SH3KBP1: variants seen among roughly 807,000 people sequenced by gnomAD.
SH3KBP1 encodes SH3 domain containing kinase binding protein 1, also known as SH3 domain-containing kinase-binding protein 1.
In SH3KBP1, 8 loss-of-function variants were observed where a neutral mutation model predicts 50.1. That is an observed-to-expected ratio of 0.16 (90% CI 0.09 to 0.29). SH3KBP1 has a LOEUF of 0.29. Among genes scored for constraint, SH3KBP1 ranks in the 10% least tolerant of loss-of-function variants. The probability of loss-of-function intolerance (pLI) is 1.00; values close to 1 mark genes in which losing one functional copy is unlikely to be tolerated. For synonymous variants in SH3KBP1, 227 were observed against 218.6 expected (o/e 1.04, Z -0.34); for missense variants, 377 against 535.2 (o/e 0.70, Z 2.92).
At chrX:19,780,658 A>T (rs1481290410) in intron 2 of SH3KBP1, among the ~76,000 whole-genome samples, 1 of 106,754 alleles carries the variant, frequency 9.4e-6, no homozygotes, top group Non-Finnish European at 1.9e-5. Context: ...AGCTTTCCAC[A>T]TATGGCTAGC....
intron 2 of SH3KBP1, among the ~76,000 whole-genome samples, chrX:19,773,025 T>C (rs1010840804): frequency 9.0e-6 from 1 of 111,317 alleles, no homozygotes; most frequent in South Asian, 3.7e-4. Context: ...GGCAGACCCA[T>C]AGACACAGAA....
intron 3 of SH3KBP1, among the ~76,000 whole-genome samples, chrX:19,743,354 A>G (rs2064827200): frequency 9.1e-6 from 1 of 110,024 alleles, no homozygotes. Context: ...GGCTGCAGTG[A>G]GCCATGATCG....
At chrX:19,561,139 G>A (rs1219274372) in intron 13 of SH3KBP1, among the ~76,000 whole-genome samples, 3 of 107,071 alleles carry the variant, frequency 2.8e-5, no homozygotes, top group African/African-American at 1.0e-4. Flanking sequence ...GCATATGTGA[G>A]ACAATAATAT....
At chrX:19,631,114 T>C (rs1176719204) in intron 8 of SH3KBP1, among the ~76,000 whole-genome samples, 1 of 112,412 alleles carries the variant, frequency 8.9e-6, no homozygotes, top group Non-Finnish European at 1.9e-5. Context: ...CTCCCCTGAA[T>C]ACAAGAATAA....
chrX:19,592,967 C>T (rs1283009624), intron 10 of SH3KBP1, among the ~76,000 whole-genome samples: 2 of 112,314 alleles, frequency 1.8e-5, no homozygotes, highest in Admixed American at 1.9e-4. Context: ...CAAGCCAGCC[C>T]AGCCATGGTC....
chrX:19,678,711 G>C (rs2062984048), intron 6 of SH3KBP1, among the ~76,000 whole-genome samples: 1 of 110,900 alleles, frequency 9.0e-6, no homozygotes, highest in Admixed American at 9.5e-5. Context: ...TTGGAGTGGG[G>C]GGCTATTTAT....
intron 2 of SH3KBP1, among the ~76,000 whole-genome samples, chrX:19,810,413 T>TC (rs1447085672): frequency 8.9e-6 from 1 of 112,602 alleles, no homozygotes; most frequent in Non-Finnish European, 1.9e-5. Flanking sequence ...GGGCTGAATC[T>TC]ACCAATGATG....
At chrX:19,839,240 G>A (rs1268262912) in intron 1 of SH3KBP1, among the ~76,000 whole-genome samples, 2 of 109,259 alleles carry the variant, frequency 1.8e-5, no homozygotes, top group African/African-American at 3.3e-5. Flanking sequence ...TAATAACAGC[G>A]TAGGAGCTTC....
chrX:19,887,330 G>A lies in SH3KBP1; in HGVS notation c.-20C>T, dbSNP rs2069625175. The A allele has an allele frequency of 2.1e-6, 2 of 974,007 alleles. No individual in the cohort carries two copies. The highest frequency in any genetic ancestry group is 2.6e-6 in the Non-Finnish European group (2 of 774,581). The allele number at this position is 974,007 out of a possible 1,213,427, so 80.3% of individuals were successfully genotyped here. On this transcript the variant is annotated 5_prime_UTR_variant, in exon 1 of 18. Transcript: ENST00000397821. ...ACCCATTGGCGTCGAGCCGGGCCGG[G>A]CCGCCGAGGCAGCGTGAAAGTTGGC...
intron 2 of SH3KBP1, among the ~76,000 whole-genome samples, chrX:19,816,605 G>C (rs750790300): frequency 9.0e-6 from 1 of 111,112 alleles, no homozygotes; most frequent in African/African-American, 3.3e-5. Context: ...CTAGGAGTTT[G>C]AGACCAGCCT....
At chrX:19,861,985 C>T (rs1186315429) in intron 1 of SH3KBP1, among the ~76,000 whole-genome samples, 1 of 112,251 alleles carries the variant, frequency 8.9e-6, no homozygotes, top group African/African-American at 3.2e-5. Context: ...TTGCTCTTGA[C>T]CGCTTTTGCT....
chrX:19,576,747 A>G (rs771826091), intron 12 of SH3KBP1, among the ~76,000 whole-genome samples: 2 of 111,985 alleles, frequency 1.8e-5, no homozygotes, highest in African/African-American at 6.5e-5. Flanking sequence ...CAATCCTCAC[A>G]ACCACCCCTT....
At chrX:19,788,298 A>C (rs1297239643) in intron 2 of SH3KBP1, among the ~76,000 whole-genome samples, 2 of 107,705 alleles carry the variant, frequency 1.9e-5, no homozygotes, top group South Asian at 3.9e-4. Context: ...AAAAAAAAAA[A>C]CACAAAAATG....
chrX:19,874,675 A>G (rs1457248121), intron 1 of SH3KBP1, among the ~76,000 whole-genome samples: 1 of 97,787 alleles, frequency 1.0e-5, no homozygotes, highest in Non-Finnish European at 2.0e-5. Context: ...AGAGGGGCTG[A>G]GAGGAAGGGA....
intron 1 of SH3KBP1, among the ~76,000 whole-genome samples, chrX:19,883,992 C>T (rs2069517977): frequency 8.9e-6 from 1 of 111,846 alleles, no homozygotes; most frequent in Non-Finnish European, 1.9e-5. Context: ...CTTCCTTGTA[C>T]CATCTTACTG....
At chrX:19,864,601 G>A (rs2068858806) in intron 1 of SH3KBP1, among the ~76,000 whole-genome samples, 1 of 111,647 alleles carries the variant, frequency 9.0e-6, no homozygotes, top group African/African-American at 3.3e-5. Context: ...TCTAGAAGAT[G>A]GGAAATGGAA....
At chrX:19,615,229 C>A (rs1390942232) in intron 8 of SH3KBP1, among the ~76,000 whole-genome samples, 2 of 112,562 alleles carry the variant, frequency 1.8e-5, no homozygotes, top group Admixed American at 9.4e-5. Context: ...TAGAAACAGA[C>A]ATTTCAAACC....
At chrX:19,802,973 G>A (rs767543330) in intron 2 of SH3KBP1, among the ~76,000 whole-genome samples, 48 of 111,390 alleles carry the variant, frequency 4.3e-4, no homozygotes, top group Non-Finnish European at 8.9e-4. Context: ...AGAGCCAGAG[G>A]CAGGTTCCAG....
At chrX:19,873,679 A>T (rs2048464345) in intron 1 of SH3KBP1, among the ~76,000 whole-genome samples, 1 of 108,261 alleles carries the variant, frequency 9.2e-6, no homozygotes, top group Admixed American at 1.0e-4. Flanking sequence ...CAAAAAAAAT[A>T]AAAATAAAAA....
Sources: gnomAD v4.1 joint callset for allele counts (sites outside exome capture counted in the v4.1 genomes callset) on GRCh38, gnomAD v4.1.1 for gene constraint, MANE v1.5 for transcripts, NCBI Gene and HGNC (gene_info 2026-07-23, HGNC 2026-07-21) for gene names.